WT1: variants seen among roughly 807,000 people sequenced by gnomAD.
WT1 encodes the protein WT1 transcription factor.
Under a neutral mutation model 60.8 loss-of-function variants are expected in WT1, and 8 were observed. The ratio of observed to expected loss-of-function variants is 0.13; its 90% CI spans 0.08 to 0.24. WT1 has a LOEUF of 0.24. WT1 is among the 10% of genes least tolerant of loss of function. The pLI, the probability that WT1 is intolerant of heterozygous loss-of-function variation, is 1.00. For synonymous variants in WT1, 312 were observed against 297.1 expected (o/e 1.05, Z -0.52); for missense variants, 568 against 711.8 (o/e 0.80, Z 2.30).
At position 32,434,694 on chromosome 11, in the gene WT1, A is replaced by C. The variant is rs557166021; in HGVS notation, c.661+6T>G. On this transcript the variant is annotated splice_donor_region_variant and intron_variant, in intron 1 of 9. Coordinates refer to ENST00000452863, the MANE Select transcript of WT1 (RefSeq NM_024426.6). ...GCGCGTAGGGGGCGCTCCCCGGCCT[A>C]CTTACCCTGATTGCGAATAGCGGGC... 1 of 1,612,822 alleles carries C rather than the reference A, an allele frequency of 6.2e-7. No individual in the cohort carries two copies. Among genetic ancestry groups the C allele is most frequent in the East Asian group, 2.2e-5 (1 of 44,856 alleles).
intron 3 of WT1, among the ~76,000 whole-genome samples, chr11:32,423,360 A>T (rs1158121376): frequency 1.3e-5 from 2 of 152,256 alleles, no homozygotes; most frequent in Non-Finnish European, 2.9e-5. Context: ...AGGAGTCTGG[A>T]GTTTGAAAGA....
intron 7 of WT1, among the ~76,000 whole-genome samples, chr11:32,395,473 TCTCC>T (rs1169777767): frequency 6.7e-6 from 1 of 149,022 alleles, no homozygotes; most frequent in Non-Finnish European, 1.5e-5. Flanking sequence ...CATCTCTCTC[TCTCC>T]TTTTTTTTTT....
chr11:32,391,887 C>G, intron 9 of WT1, 85 bp downstream of exon 9: 1 of 1,424,108 alleles, frequency 7.0e-7, no homozygotes, highest in Non-Finnish European at 9.9e-7. Context: ...TTACACTAGT[C>G]TTTTCCAATC....
In WT1 at chr11:32,435,498, C is replaced by T; in HGVS notation, c.-138G>A. The T allele has an allele frequency of 7.3e-7, 1 of 1,366,890 alleles. No individual in the cohort carries two copies. The highest frequency in any genetic ancestry group is 9.8e-7 in the Non-Finnish European group (1 of 1,016,588). 84.7% of individuals were successfully genotyped at this position (1,366,890 alleles called of 1,614,324 possible). A position where few individuals can be genotyped will look rare whatever the true frequency, so the allele number is the denominator to read the frequency against. On this transcript the variant is annotated 5_prime_UTR_variant, in exon 1 of 10. Coordinates refer to ENST00000452863, the MANE Select transcript of WT1 (RefSeq NM_024426.6). ...CAGGCGGTCGGGTTGCGGAGAGCCC[C>T]CGGGTGTGGGCGCTGCCTTGAACTC...
intron 4 of WT1, 83 bp downstream of exon 4, chr11:32,417,494 C>T (rs1483204332): frequency 3.1e-6 from 4 of 1,292,230 alleles, no homozygotes; most frequent in Non-Finnish European, 4.5e-6. Flanking sequence ...ACTGTACTTT[C>T]TTCATAAGTT....
intron 5 of WT1, among the ~76,000 whole-genome samples, chr11:32,402,649 G>T (rs968498748): frequency 6.6e-6 from 1 of 152,334 alleles, no homozygotes; most frequent in Non-Finnish European, 1.5e-5. Context: ...TGGCTCAATT[G>T]TTCCTCCTGC....
At chr11:32,405,621 CT>C (rs1169772395) in intron 5 of WT1, among the ~76,000 whole-genome samples, 1 of 123,218 alleles carries the variant, frequency 8.1e-6, no homozygotes, top group East Asian at 4.1e-4. Context: ...GTTCCATCAC[CT>C]TACACAAATG....
intron 6 of WT1, among the ~76,000 whole-genome samples, chr11:32,397,387 G>T (rs1852006403): frequency 6.6e-6 from 1 of 152,084 alleles, no homozygotes. Flanking sequence ...CACGATCGGG[G>T]CTCCTGCAGC....
At chr11:32,424,265 G>A (rs953253303) in intron 3 of WT1, among the ~76,000 whole-genome samples, 1 of 152,064 alleles carries the variant, frequency 6.6e-6, no homozygotes, top group Non-Finnish European at 1.5e-5. Flanking sequence ...AGCACAGCTG[G>A]GCTGTGAAGT....
intron 5 of WT1, among the ~76,000 whole-genome samples, chr11:32,415,767 G>T (rs1852648730): frequency 6.6e-6 from 1 of 152,218 alleles, no homozygotes; most frequent in Non-Finnish European, 1.5e-5. Flanking sequence ...GGTCCAGAGA[G>T]AGGAAGAGGA....
At chr11:32,427,127 C>T (rs955362906) in intron 3 of WT1, among the ~76,000 whole-genome samples, 1 of 152,228 alleles carries the variant, frequency 6.6e-6, no homozygotes, top group African/African-American at 2.4e-5. Context: ...GCCGCACAGG[C>T]CTCGCGCTGC....
In WT1 at chr11:32,388,755, T is replaced by A. The variant is rs1190909350; in HGVS notation, c.*303A>T. The stretch of plus-strand genomic sequence containing the variant: ...AAAGAAGGGAAGGGTCAGGGGGACA[T>A]GATCAGCTATGGCTCTTCTTACAGT... On this transcript the variant is annotated 3_prime_UTR_variant, in exon 10 of 10. Transcript: ENST00000452863. The A allele has an allele frequency of 1.3e-5, 6 of 476,742 alleles. No individual in the cohort carries two copies. Among genetic ancestry groups the A allele is most frequent in the South Asian group, 2.5e-5 (1 of 40,274 alleles). The allele number at this position is 476,742 out of a possible 1,614,324, so 29.5% of individuals were successfully genotyped here.
intron 8 of WT1, 102 bp downstream of exon 8, chr11:32,392,564 A>T: frequency 8.7e-7 from 1 of 1,144,132 alleles, no homozygotes; most frequent in Non-Finnish European, 1.3e-6. Context: ...AACTAAACAC[A>T]TGGCTGACTC....
intron 3 of WT1, among the ~76,000 whole-genome samples, chr11:32,427,226 C>T (rs1482917348): frequency 6.6e-6 from 1 of 152,230 alleles, no homozygotes; most frequent in African/African-American, 2.4e-5. Flanking sequence ...ACGCGGGCGG[C>T]CGGCCAAGTT....
intron 3 of WT1, among the ~76,000 whole-genome samples, chr11:32,423,003 G>A (rs899411287): frequency 6.6e-6 from 1 of 152,190 alleles, no homozygotes; most frequent in African/African-American, 2.4e-5. Flanking sequence ...ATGTGAAGTC[G>A]GTATAGTCAA....
At chr11:32,392,595 A>C in intron 8 of WT1, 71 bp downstream of exon 8, 1 of 1,452,462 alleles carries the variant, frequency 6.9e-7, no homozygotes, top group Non-Finnish European at 9.7e-7. Context: ...ATTCAACAAC[A>C]AAGAGAATCA....
intron 6 of WT1, 69 bp downstream of exon 6, chr11:32,399,879 A>T: frequency 6.5e-7 from 1 of 1,545,450 alleles, no homozygotes; most frequent in Non-Finnish European, 8.9e-7. Flanking sequence ...TCAGTAAGGA[A>T]CTAAAGGGCC....
chr11:32,429,474 CCA>C (rs1491427797), intron 1 of WT1, among the ~76,000 whole-genome samples: 12 of 140,058 alleles, frequency 8.6e-5, no homozygotes, highest in African/African-American at 3.3e-4. Context: ...CCCCCCCCCC[CCA>C]AAGTGAGAAA....
chr11:32,432,580 C>T (rs767662756), intron 1 of WT1, among the ~76,000 whole-genome samples: 21 of 152,222 alleles, frequency 1.4e-4, no homozygotes, highest in Non-Finnish European at 2.6e-4. Flanking sequence ...AGGGCCCTCT[C>T]TCCATTGGGC....
Sources: gnomAD v4.1 joint callset for allele counts (sites outside exome capture counted in the v4.1 genomes callset) on GRCh38, gnomAD v4.1.1 for gene constraint, MANE v1.5 for transcripts, NCBI Gene and HGNC (gene_info 2026-07-23, HGNC 2026-07-21) for gene names.